The following PAPSS2 variants were observed in gnomAD, a reference collection of about 807,000 sequenced individuals.
PAPSS2 encodes bifunctional 3'-phosphoadenosine 5'-phosphosulfate synthase 2.
PAPSS2 carries 61 observed loss-of-function variants against 66.5 expected under a neutral mutation model. That is an observed-to-expected ratio of 0.92 (90% CI 0.75 to 1.14). The LOEUF (loss-of-function observed/expected upper bound fraction) is 1.14, where lower values mean the gene tolerates loss of function less well. Ranked by LOEUF, PAPSS2 falls within the 50% of genes most tolerant of loss-of-function variation. The probability of loss-of-function intolerance (pLI) is 0.00; values close to 1 mark genes in which losing one functional copy is unlikely to be tolerated. For missense variants in PAPSS2, 708 were observed against 789.6 expected, an observed-to-expected ratio of 0.90 and a Z score of 1.24; for synonymous variants, 289 against 287.5, an observed-to-expected ratio of 1.01 and a Z score of -0.05.
chr10:87,707,564 CTTTTTTTTTT>C (rs747152482), intron 1 of PAPSS2, among the ~76,000 whole-genome samples: 11 of 93,990 alleles, frequency 1.2e-4, no homozygotes, highest in African/African-American at 2.2e-4. Context: ...TCTTTTTTTT[CTTTTTTTTTT>C]TTTTTTTTTT....
chr10:87,714,932 T>A, intron 5 of PAPSS2, 53 bp from the exon 6 acceptor site: 2 of 1,409,456 alleles, frequency 1.4e-6, no homozygotes, highest in Non-Finnish European at 1.0e-6. Context: ...GCCTCTTTAC[T>A]GAAGCATTCT....
chr10:87,699,812 T>TAAAAAAAAAAAAAAA (rs11378998), intron 1 of PAPSS2, among the ~76,000 whole-genome samples: 1 of 135,698 alleles, frequency 7.4e-6, no homozygotes, highest in African/African-American at 2.7e-5. Flanking sequence ...ATCATGCCAC[T>TAAAAAAAAAAAAAAA]AAAAAAAAAA....
At chr10:87,713,667 C>G (rs1009177142) in intron 3 of PAPSS2, among the ~76,000 whole-genome samples, 1 of 152,156 alleles carries the variant, frequency 6.6e-6, no homozygotes, top group Admixed American at 6.5e-5. Flanking sequence ...AAGAAAAGAG[C>G]AGTTCATGGC....
chr10:87,671,762 T>C (rs949477763), intron 1 of PAPSS2, among the ~76,000 whole-genome samples: 1 of 152,060 alleles, frequency 6.6e-6, no homozygotes, highest in South Asian at 2.1e-4. Context: ...CCAGAACCAA[T>C]TGAGAAAAAA....
chr10:87,688,650 C>T (rs1196221527), intron 1 of PAPSS2, among the ~76,000 whole-genome samples: 8 of 151,652 alleles, frequency 5.3e-5, no homozygotes, highest in Admixed American at 6.6e-5. Context: ...TTAGTAGAGA[C>T]GGGGTTTCAC....
intron 8 of PAPSS2, among the ~76,000 whole-genome samples, chr10:87,725,403 T>C (rs998121601): frequency 1.3e-5 from 2 of 152,092 alleles, no homozygotes; most frequent in Non-Finnish European, 2.9e-5. Flanking sequence ...TTATTTAAAT[T>C]CCTCTTAAAG....
chr10:87,714,291 C>A, intron 4 of PAPSS2, 109 bp downstream of exon 4: 1 of 1,185,864 alleles, frequency 8.4e-7, no homozygotes, highest in Non-Finnish European at 1.2e-6. Context: ...TCCAAAATTG[C>A]ATATAACATG....
chr10:87,688,679 G>A (rs1478223422), intron 1 of PAPSS2, among the ~76,000 whole-genome samples: 1 of 151,740 alleles, frequency 6.6e-6, no homozygotes, highest in African/African-American at 2.4e-5. Context: ...CCATGGTCTC[G>A]ATCTCCTGAC....
Position 87,745,971 on chromosome 10 carries a change from GCC to G in PAPSS2, c.*2_*3del. The G allele has an allele frequency of 6.2e-7, 1 of 1,613,980 alleles. No homozygotes were observed. Among genetic ancestry groups the G allele is most frequent in the Admixed American group, 1.7e-5 (1 of 60,014 alleles). On this transcript the variant is annotated 3_prime_UTR_variant, in exon 13 of 13. Transcript: ENST00000456849. ...TTACAGGTCCCTGGAGAAGAACTAA[GCC>G]TTTGGCTCCAGAGTTTCTTTCTGAA...
chr10:87,693,030 A>G lies in PAPSS2; in HGVS notation c.28-16166A>G, dbSNP rs1853190259. The stretch of plus-strand genomic sequence containing the variant: ...CATATTACAGTGAATTGAGTCCTCT[A>G]CTACTAATAATGACAGTAAGTCTCT... On this transcript the variant is annotated intron_variant, in intron 1 of 12. Transcript: ENST00000456849. Among the ~76,000 whole-genome samples, 5 of 152,216 alleles carry G rather than the reference A, an allele frequency of 3.3e-5. No homozygotes were observed. In the South Asian group the frequency reaches 1.0e-3, roughly 32 times the overall value.
chr10:87,701,799 C>T (rs1853320794), intron 1 of PAPSS2, among the ~76,000 whole-genome samples: 1 of 152,038 alleles, frequency 6.6e-6, no homozygotes, highest in Admixed American at 6.6e-5. Context: ...GGCAAACACA[C>T]GAATGGCCTA....
At chr10:87,706,108 A>ATATGTGTG in intron 1 of PAPSS2, among the ~76,000 whole-genome samples, 7 of 52,018 alleles carry the variant, frequency 1.3e-4, no homozygotes, top group East Asian at 4.2e-4. Flanking sequence ...ATATATATAT[A>ATATGTGTG]TGTGTGTGTG....
intron 1 of PAPSS2, among the ~76,000 whole-genome samples, chr10:87,685,755 A>G (rs1329422370): frequency 1.3e-5 from 2 of 152,194 alleles, no homozygotes; most frequent in African/African-American, 4.8e-5. Flanking sequence ...GGTAGAGGCT[A>G]CAGATTTACA....
At chr10:87,674,325 C>T (rs148093645) in intron 1 of PAPSS2, among the ~76,000 whole-genome samples, 1,614 of 152,166 alleles carry the variant, frequency 0.011, 21 homozygotes, top group Non-Finnish European at 0.015. Context: ...CCACCACACC[C>T]GGCTAATTTT....
intron 1 of PAPSS2, among the ~76,000 whole-genome samples, chr10:87,664,181 C>T (rs555073299): frequency 3.3e-5 from 5 of 152,220 alleles, no homozygotes; most frequent in East Asian, 1.9e-4. Flanking sequence ...CTTGGCCTCC[C>T]GAAGTATTAG....
At chr10:87,717,204 A>G (rs1280958527) in intron 7 of PAPSS2, among the ~76,000 whole-genome samples, 1 of 152,252 alleles carries the variant, frequency 6.6e-6, no homozygotes, top group Non-Finnish European at 1.5e-5. Context: ...TGCCTGAAGT[A>G]AAGGTCATTG....
chr10:87,698,738 T>A (rs1853266020), intron 1 of PAPSS2, among the ~76,000 whole-genome samples: 1 of 152,192 alleles, frequency 6.6e-6, no homozygotes, highest in Non-Finnish European at 1.5e-5. Context: ...TTTTAAAACA[T>A]GTTATCTCAT....
intron 7 of PAPSS2, among the ~76,000 whole-genome samples, chr10:87,718,995 G>A (rs1853565180): frequency 6.6e-6 from 1 of 152,200 alleles, no homozygotes; most frequent in South Asian, 2.1e-4. Context: ...TTTCCCTGTG[G>A]GAATTATCTG....
At chr10:87,745,771 G>A in intron 12 of PAPSS2, 61 bp from the exon 13 acceptor site, 1 of 1,578,392 alleles carries the variant, frequency 6.3e-7, no homozygotes, top group Non-Finnish European at 8.7e-7. Context: ...ACCTACTCCA[G>A]GAATCCTTAA....
Sources: allele counts gnomAD v4.1 joint callset (sites outside exome capture counted in the v4.1 genomes callset), GRCh38; gene constraint gnomAD v4.1.1; transcripts MANE v1.5; gene names NCBI Gene and HGNC (gene_info 2026-07-23, HGNC 2026-07-21).